Variants in ST6GALNAC3 observed in about 807,000 individuals in gnomAD.
ST6GALNAC3 encodes the protein alpha-N-acetylgalactosaminide alpha-2,6-sialyltransferase 3.
In ST6GALNAC3, 25 loss-of-function variants were observed where a neutral mutation model predicts 32.7. That is an observed-to-expected ratio of 0.76 (90% CI 0.56 to 1.07). ST6GALNAC3 has a LOEUF of 1.07. Ranked by LOEUF, ST6GALNAC3 falls within the 50% of genes least tolerant of loss-of-function variation. ST6GALNAC3 has a pLI of 0.00. For synonymous variants in ST6GALNAC3, 129 were observed against 133.1 expected (o/e 0.97, Z 0.21); for missense variants, 355 against 382.4 (o/e 0.93, Z 0.60).
chr1:76,166,485 C>A (rs114927559), intron 1 of ST6GALNAC3, among the ~76,000 whole-genome samples: 1 of 152,026 alleles, frequency 6.6e-6, no homozygotes, highest in Non-Finnish European at 1.5e-5. Flanking sequence ...TATTTGGGCT[C>A]ATTTTTTGCT....
intron 1 of ST6GALNAC3, among the ~76,000 whole-genome samples, chr1:76,249,094 T>G (rs1489620408): frequency 6.6e-6 from 1 of 152,206 alleles, no homozygotes; most frequent in Non-Finnish European, 1.5e-5. Flanking sequence ...AAATTATAGC[T>G]TTATAGAGAT....
At chr1:76,567,849 C>A (rs1227440540) in intron 3 of ST6GALNAC3, among the ~76,000 whole-genome samples, 1 of 152,158 alleles carries the variant, frequency 6.6e-6, no homozygotes, top group African/African-American at 2.4e-5. Flanking sequence ...CCTAAATTCT[C>A]AAGCTTGGAA....
intron 3 of ST6GALNAC3, among the ~76,000 whole-genome samples, chr1:76,504,870 A>G (rs1162124757): frequency 6.6e-6 from 1 of 152,204 alleles, no homozygotes; most frequent in East Asian, 1.9e-4. Flanking sequence ...GATCACATGC[A>G]CTGTCATTTT....
intron 1 of ST6GALNAC3, among the ~76,000 whole-genome samples, chr1:76,178,279 C>T (rs906796973): frequency 3.3e-5 from 5 of 152,146 alleles, no homozygotes; most frequent in South Asian, 2.1e-4. Flanking sequence ...ATTGAACTTA[C>T]GAGATGGATG....
At chr1:76,096,631 G>C (rs1374024789) in intron 1 of ST6GALNAC3, among the ~76,000 whole-genome samples, 2 of 150,974 alleles carry the variant, frequency 1.3e-5, no homozygotes, top group Admixed American at 1.3e-4. Flanking sequence ...ATGAAGGAAA[G>C]TGCACCAAAC....
intron 2 of ST6GALNAC3, among the ~76,000 whole-genome samples, chr1:76,358,716 G>A (rs914354414): frequency 6.6e-6 from 1 of 152,046 alleles, no homozygotes; most frequent in African/African-American, 2.4e-5. Flanking sequence ...GGATTCTTCT[G>A]TGCCATCTCT....
chr1:76,634,260 C>A lies in ST6GALNAC3; in HGVS notation c.*5454C>A. The A allele has an allele frequency of 2.7e-6, 2 of 732,220 alleles. No individual in the cohort carries two copies. The highest frequency in any genetic ancestry group is 3.3e-6 in the Non-Finnish European group (2 of 598,734). 45.4% of individuals were successfully genotyped at this position (732,220 alleles called of 1,614,324 possible). ...CACATATTTGCCTATGAAGTGAGAGCTATTTCTAAGAAACTTCAAAAAGAT... is the reference window on the plus strand; with the variant it reads ...CACATATTTGCCTATGAAGTGAGAGATATTTCTAAGAAACTTCAAAAAGAT... On this transcript the variant is annotated 3_prime_UTR_variant, in exon 5 of 5. Transcript: ENST00000328299.
chr1:76,200,338 CAGAG>C (rs1224694596), intron 1 of ST6GALNAC3, among the ~76,000 whole-genome samples: 5 of 152,174 alleles, frequency 3.3e-5, no homozygotes, highest in Non-Finnish European at 5.9e-5. Context: ...AGACAAGCAA[CAGAG>C]AGAAAGAATT....
chr1:76,380,214 AG>A (rs1304729185), intron 2 of ST6GALNAC3, among the ~76,000 whole-genome samples: 1 of 152,196 alleles, frequency 6.6e-6, no homozygotes, highest in African/African-American at 2.4e-5. Flanking sequence ...AATAAGTAAA[AG>A]GGTACTTAAC....
At chr1:76,473,026 G>C (rs1659133647) in intron 3 of ST6GALNAC3, among the ~76,000 whole-genome samples, 2 of 152,088 alleles carry the variant, frequency 1.3e-5, no homozygotes, top group Admixed American at 1.3e-4. Flanking sequence ...ATCTTGGATA[G>C]AAGGGGCTTC....
intron 1 of ST6GALNAC3, among the ~76,000 whole-genome samples, chr1:76,102,300 A>C (rs755890206): frequency 6.6e-6 from 1 of 151,476 alleles, no homozygotes; most frequent in Non-Finnish European, 1.5e-5. Flanking sequence ...CTGCATTTCT[A>C]TAGCATTATT....
At position 76,561,984 on chromosome 1, in the gene ST6GALNAC3, G is replaced by C. The variant is rs540150217; in HGVS notation, c.624-65468G>C. On this transcript the variant is annotated intron_variant, in intron 3 of 4. Coordinates refer to ENST00000328299, the MANE Select transcript of ST6GALNAC3 (RefSeq NM_152996.4). Reference sequence around the variant, plus strand: ...CTTGGAAACATTCTAAGTGAAGCAAGCTAGTCACAAAAGACCAAATATTAT... The same window carrying C: ...CTTGGAAACATTCTAAGTGAAGCAACCTAGTCACAAAAGACCAAATATTAT... Among the ~76,000 whole-genome samples the C allele has an allele frequency of 3.9e-5, 6 of 152,248 alleles. No individual in the cohort carries two copies. The South Asian group carries it at 1.0e-3, about 26-fold the overall frequency.
chr1:76,337,642 C>T (rs1647612127), intron 2 of ST6GALNAC3, among the ~76,000 whole-genome samples: 1 of 152,090 alleles, frequency 6.6e-6, no homozygotes, highest in South Asian at 2.1e-4. Context: ...ATCCCCTGGC[C>T]CAGTCCAGAC....
At chr1:76,628,550 G>T in intron 4 of ST6GALNAC3, 70 bp from the exon 5 acceptor site, 2 of 1,394,166 alleles carry the variant, frequency 1.4e-6, no homozygotes, top group Non-Finnish European at 1.9e-6. Context: ...GCACATAATG[G>T]ATTCTTGTAA....
At chr1:76,477,127 TAAAGA>T (rs1307978216) in intron 3 of ST6GALNAC3, among the ~76,000 whole-genome samples, 1 of 152,142 alleles carries the variant, frequency 6.6e-6, no homozygotes, top group Non-Finnish European at 1.5e-5. Flanking sequence ...ACTACAAAGA[TAAAGA>T]AAAAGAAGAA....
intron 1 of ST6GALNAC3, among the ~76,000 whole-genome samples, chr1:76,288,989 C>T (rs899724049): frequency 1.3e-5 from 2 of 152,302 alleles, no homozygotes; most frequent in Middle Eastern, 3.4e-3. Flanking sequence ...CTCCAAAGTA[C>T]GTCTCATGCC....
intron 1 of ST6GALNAC3, among the ~76,000 whole-genome samples, chr1:76,275,046 C>G (rs935242202): frequency 6.6e-6 from 1 of 152,214 alleles, no homozygotes; most frequent in African/African-American, 2.4e-5. Context: ...CTATGCTCTA[C>G]GGAGACAGTG....
intron 2 of ST6GALNAC3, among the ~76,000 whole-genome samples, chr1:76,328,952 G>C (rs1437185594): frequency 6.6e-6 from 1 of 151,928 alleles, no homozygotes. Flanking sequence ...TATTTTTTTA[G>C]GGCATGAGTC....
intron 2 of ST6GALNAC3, among the ~76,000 whole-genome samples, chr1:76,361,504 C>T (rs73004230): frequency 0.052 from 7,939 of 152,192 alleles, 251 homozygotes; most frequent in African/African-American, 0.086. Context: ...GCTTCCACTT[C>T]TTGACTATTG....
Sources: gnomAD v4.1 joint callset for allele counts (sites outside exome capture counted in the v4.1 genomes callset) on GRCh38, gnomAD v4.1.1 for gene constraint, MANE v1.5 for transcripts, NCBI Gene and HGNC (gene_info 2026-07-23, HGNC 2026-07-21) for gene names.